The following SYTL5 variants were observed in gnomAD, a reference collection of about 807,000 sequenced individuals.
SYTL5 encodes synaptotagmin like 5.
Under a neutral mutation model 55.9 loss-of-function variants are expected in SYTL5, and 34 were observed. The observed-to-expected ratio is 0.61, with a 90% CI of 0.46 to 0.81. The LOEUF (loss-of-function observed/expected upper bound fraction) is 0.81. SYTL5 is among the 30% of genes least tolerant of loss of function. The pLI, the probability that SYTL5 is intolerant of heterozygous loss-of-function variation, is 0.00. For missense variants in SYTL5, 637 were observed against 546.7 expected (o/e 1.17, Z -1.65); for synonymous variants, 221 against 188.7 (o/e 1.17, Z -1.40).
At chrX:37,892,078 G>C in the SYTL5 span, among the ~76,000 whole-genome samples, 1 of 111,689 alleles carries the variant, frequency 9.0e-6, no homozygotes, top group South Asian at 3.7e-4. Context: ...ACGTGAAACA[G>C]AGAGATTACT....
the SYTL5 span, among the ~76,000 whole-genome samples, chrX:37,934,311 A>G: frequency 4.3e-4 from 47 of 110,530 alleles, no homozygotes; most frequent in Non-Finnish European, 7.9e-4. Flanking sequence ...AACTAAGGAA[A>G]AGCATAGAAC....
the SYTL5 span, among the ~76,000 whole-genome samples, chrX:37,927,413 C>T: frequency 9.0e-6 from 1 of 111,530 alleles, no homozygotes; most frequent in South Asian, 3.7e-4. Context: ...AGCAGGTAAA[C>T]AAAGGCAGCT....
chrX:37,920,600 A>G, the SYTL5 span, among the ~76,000 whole-genome samples: 2 of 111,288 alleles, frequency 1.8e-5, no homozygotes, highest in African/African-American at 6.5e-5. Context: ...TTAGCCATAA[A>G]TCCAGAATTC....
chrX:37,897,869 A>G, the SYTL5 span, among the ~76,000 whole-genome samples: 2 of 111,728 alleles, frequency 1.8e-5, no homozygotes, highest in African/African-American at 3.3e-5. Flanking sequence ...AGGCCAAGAC[A>G]GGCAGATTGC....
In SYTL5 at chrX:38,106,776, G is replaced by A. The variant is rs1937227798; in HGVS notation, c.1334+5G>A. Reference sequence around the variant, plus strand: ...AAAGAAACAGAGGACAGATGCGTAAGCACATAGCATGTTCCTCAGACTATT... The same window carrying A: ...AAAGAAACAGAGGACAGATGCGTAAACACATAGCATGTTCCTCAGACTATT... On this transcript the variant is annotated splice_donor_5th_base_variant and intron_variant, in intron 11 of 16. Transcript: ENST00000297875. The A allele has an allele frequency of 8.5e-7, 1 of 1,176,102 alleles. No individual in the cohort carries two copies. Among genetic ancestry groups the A allele is most frequent in the South Asian group, 2.0e-5 (1 of 50,423 alleles).
the SYTL5 span, among the ~76,000 whole-genome samples, chrX:37,920,849 A>C: frequency 9.0e-6 from 1 of 111,440 alleles, no homozygotes; most frequent in Non-Finnish European, 1.9e-5. Context: ...TAGCACAAAA[A>C]CCACAATGTT....
the SYTL5 span, among the ~76,000 whole-genome samples, chrX:37,991,718 A>AG: frequency 1.3e-3 from 144 of 111,762 alleles, no homozygotes; most frequent in Non-Finnish European, 1.4e-3. Flanking sequence ...GTGGGTGGAG[A>AG]GGGGCACACT....
chrX:38,103,713 A>G (rs190808602), intron 10 of SYTL5, among the ~76,000 whole-genome samples: 1 of 111,101 alleles, frequency 9.0e-6, no homozygotes, highest in East Asian at 2.8e-4. Context: ...TACTCAAAGC[A>G]TTCTCTATGG....
chrX:37,973,800 A>AT, the SYTL5 span, among the ~76,000 whole-genome samples: 328 of 109,123 alleles, frequency 3.0e-3, 1 homozygote, highest in African/African-American at 0.01. Flanking sequence ...ATGGCTGGCT[A>AT]TTTTTTTTTA....
intron 1 of SYTL5, among the ~76,000 whole-genome samples, chrX:38,029,407 C>G (rs1469598068): frequency 2.7e-5 from 3 of 112,460 alleles, no homozygotes; most frequent in African/African-American, 9.7e-5. Flanking sequence ...CTTCAGTTGT[C>G]TCAATAACAT....
At chrX:37,945,566 A>T in the SYTL5 span, among the ~76,000 whole-genome samples, 2 of 111,075 alleles carry the variant, frequency 1.8e-5, no homozygotes, top group Non-Finnish European at 3.8e-5. Flanking sequence ...CCTGATCTCC[A>T]CTGTTGGTGG....
the SYTL5 span, chrX:37,990,718 C>T: frequency 9.7e-7 from 1 of 1,030,029 alleles, no homozygotes; most frequent in African/African-American, 1.9e-5. Flanking sequence ...AGCTAGCTCC[C>T]TGACCAATAA....
the SYTL5 span, among the ~76,000 whole-genome samples, chrX:37,942,131 T>G: frequency 8.9e-6 from 1 of 112,451 alleles, no homozygotes; most frequent in South Asian, 3.7e-4. Context: ...AGGTCTTTCA[T>G]AAACATAAGC....
At chrX:37,960,845 G>C in the SYTL5 span, among the ~76,000 whole-genome samples, 1 of 106,900 alleles carries the variant, frequency 9.4e-6, no homozygotes, top group Non-Finnish European at 1.9e-5. Context: ...GCCCAGGCTG[G>C]AGTGCAGTGG....
At chrX:38,054,831 G>C (rs1211232792) in intron 3 of SYTL5, among the ~76,000 whole-genome samples, 1 of 110,327 alleles carries the variant, frequency 9.1e-6, no homozygotes, top group Non-Finnish European at 1.9e-5. Flanking sequence ...CTGGGCTCAA[G>C]TGATCCACTC....
rs199844098 is a variant in SYTL5, at chrX:38,089,583, G to A, written c.827G>A (p.Ser276Asn). The change falls in exon 7 of 17, where the codon AGT (serine) becomes AAT (asparagine). Residue 276 changes from serine to asparagine, a missense_variant. Physicochemically the swap from Ser to Asn is conservative, Grantham distance 46. Transcript: ENST00000297875. ...PSTRTVTSVI[S>N]REYGFENSMD... ...ACACGAACTGTGACCTCAGTCATCA[G>A]TAGAGTAAGTACACAAACCTGATGA... 18 of 1,206,105 alleles carry A rather than the reference G, an allele frequency of 1.5e-5. No individual in the cohort carries two copies. The East Asian group carries it at 5.1e-4, about 34-fold the overall frequency.
At chrX:38,013,308 A>C (rs1055642127) in intron 1 of SYTL5, among the ~76,000 whole-genome samples, 4 of 112,330 alleles carry the variant, frequency 3.6e-5, no homozygotes, top group Non-Finnish European at 7.5e-5. Context: ...CTTTATACTT[A>C]AGCACAATAG....
intron 13 of SYTL5, among the ~76,000 whole-genome samples, chrX:38,115,543 T>C (rs1937470150): frequency 9.2e-6 from 1 of 109,289 alleles, no homozygotes. Flanking sequence ...GCTATATATC[T>C]TGTAGTGGGA....
At chrX:38,062,382 A>C (rs748559032) in intron 3 of SYTL5, among the ~76,000 whole-genome samples, 1 of 112,457 alleles carries the variant, frequency 8.9e-6, no homozygotes, top group East Asian at 2.8e-4. Context: ...TTTTTAAATT[A>C]GGAAGATCCT....
Sources: allele counts gnomAD v4.1 joint callset (sites outside exome capture counted in the v4.1 genomes callset), GRCh38; gene constraint gnomAD v4.1.1; transcripts MANE v1.5; gene names NCBI Gene and HGNC (gene_info 2026-07-23, HGNC 2026-07-21).